The following SORCS3 variants were observed in gnomAD, a reference collection of about 807,000 sequenced individuals.
SORCS3 encodes sortilin related VPS10 domain containing receptor 3.
SORCS3 carries 57 observed loss-of-function variants against 146.3 expected under a neutral mutation model. The observed-to-expected ratio is 0.39, with a 90% CI of 0.31 to 0.49. The LOEUF is 0.49. SORCS3 is among the 20% of genes least tolerant of loss of function. The pLI is 0.92. For synonymous variants in SORCS3, 653 were observed against 618.5 expected, an observed-to-expected ratio of 1.06 and a Z score of -0.83; for missense variants, 1,341 against 1,575.5, an observed-to-expected ratio of 0.85 and a Z score of 2.52.
intron 19 of SORCS3, chr10:105,217,843 G>A (rs1266160158): frequency 2.2e-6 from 1 of 453,966 alleles, no homozygotes; most frequent in African/African-American, 2.0e-5. Context: ...TGTGATTTTA[G>A]GATGTCGGGT....
rs570791970 is a variant in SORCS3, at chr10:104,664,153, T to A, written c.627+22199T>A. 9.1e-4 allele frequency among the ~76,000 whole-genome samples: 139 copies of A among 152,204 alleles called. 2 individuals carry two copies. The highest frequency in any genetic ancestry group is 3.1e-3 in the African/African-American group (127 of 41,526). On this transcript the variant is annotated intron_variant, in intron 1 of 26. Coordinates refer to ENST00000369701, the MANE Select transcript of SORCS3 (RefSeq NM_014978.3). ...TTGGGGAAGAAGGTGCAGGCTGTCT[T>A]GGGGTGACGTTGCATTAAGTGCAGC...
At chr10:105,126,523 G>C (rs1589645940) in intron 7 of SORCS3, among the ~76,000 whole-genome samples, 1 of 152,170 alleles carries the variant, frequency 6.6e-6, no homozygotes, top group South Asian at 2.1e-4. Context: ...TTAAGGCAGT[G>C]GGAGTATAAG....
At chr10:105,205,120 G>A (rs2056595120) in intron 16 of SORCS3, among the ~76,000 whole-genome samples, 1 of 152,106 alleles carries the variant, frequency 6.6e-6, no homozygotes, top group African/African-American at 2.4e-5. Context: ...GATTGATCTA[G>A]GAAAAGTTCA....
intron 4 of SORCS3, among the ~76,000 whole-genome samples, chr10:105,018,025 G>A (rs1055774478): frequency 2.6e-5 from 4 of 152,126 alleles, no homozygotes; most frequent in African/African-American, 9.7e-5. Context: ...AGTTGAAAAT[G>A]ACAGGATACC....
intron 23 of SORCS3, among the ~76,000 whole-genome samples, chr10:105,254,287 C>T (rs2056917882): frequency 6.6e-6 from 1 of 152,156 alleles, no homozygotes; most frequent in African/African-American, 2.4e-5. Context: ...CATCAGATTA[C>T]AGAGCTAATG....
chr10:104,645,064 A>G (rs2015474708), intron 1 of SORCS3, among the ~76,000 whole-genome samples: 1 of 152,072 alleles, frequency 6.6e-6, no homozygotes, highest in South Asian at 2.1e-4. Context: ...GACAAAGGAG[A>G]AGGAGTGCAA....
intron 1 of SORCS3, among the ~76,000 whole-genome samples, chr10:104,643,138 G>A (rs920266658): frequency 4.6e-5 from 7 of 152,166 alleles, no homozygotes; most frequent in African/African-American, 1.4e-4. Context: ...TGGGTAGGGT[G>A]CACGCTCCAG....
chr10:104,797,716 C>G (rs1323285366), intron 1 of SORCS3, among the ~76,000 whole-genome samples: 1 of 152,096 alleles, frequency 6.6e-6, no homozygotes, highest in Admixed American at 6.5e-5. Flanking sequence ...AGACTGATCT[C>G]TATATATCCA....
In SORCS3 at chr10:104,879,339, C is replaced by T. The variant is rs1240229872; in HGVS notation, c.695+36480C>T. ...ATATCCCTTGGCTCATGGTCCCTGT[C>T]TCCATCTTCAAAGGCAACCATAACA... On this transcript the variant is annotated intron_variant, in intron 2 of 26. Transcript: ENST00000369701. 2.6e-5 allele frequency among the ~76,000 whole-genome samples: 4 copies of T among 152,162 alleles called. No homozygotes were observed. The South Asian group carries it at 8.3e-4, about 32-fold the overall frequency.
At chr10:105,233,315 A>G (rs1343644325) in intron 20 of SORCS3, among the ~76,000 whole-genome samples, 1 of 152,208 alleles carries the variant, frequency 6.6e-6, no homozygotes, top group Admixed American at 6.5e-5. Flanking sequence ...TACATAAGAT[A>G]TATACATAAG....
intron 6 of SORCS3, among the ~76,000 whole-genome samples, chr10:105,103,274 C>T (rs2055798842): frequency 6.6e-6 from 1 of 152,082 alleles, no homozygotes; most frequent in Non-Finnish European, 1.5e-5. Flanking sequence ...TCTACCCCCG[C>T]TAGTTTTACT....
chr10:104,913,357 G>A (rs1267491033), intron 2 of SORCS3, among the ~76,000 whole-genome samples: 2 of 152,180 alleles, frequency 1.3e-5, no homozygotes. Flanking sequence ...TTAGGAAATA[G>A]CATTATTAAG....
chr10:104,698,378 A>G (rs2016241727), intron 1 of SORCS3, among the ~76,000 whole-genome samples: 1 of 152,176 alleles, frequency 6.6e-6, no homozygotes, highest in African/African-American at 2.4e-5. Context: ...GGTGTACACA[A>G]AGACTGAGTA....
chr10:104,641,925 A>T lies in SORCS3; in HGVS notation c.598A>T (p.Met200Leu), dbSNP rs779310979. The change falls in exon 1 of 27, where the codon ATG becomes TTG. Residue 200 changes from methionine (M) to leucine (L), a missense_variant. Physicochemically the swap from Met to Leu is conservative, Grantham distance 15. Transcript: ENST00000369701. This position sits in a 1 kb window ranked among gnomAD's most constrained non-coding sequence, Gnocchi z 6.4. The part of the protein sequence containing the change: ...LTGDSAHNQA[M>L]VHWSGHNSSV... Reference sequence around the variant, plus strand: ...CGGGGACTCGGCCCACAACCAAGCCATGGTGCACTGGTCGGGACACAACAG... The same window carrying T: ...CGGGGACTCGGCCCACAACCAAGCCTTGGTGCACTGGTCGGGACACAACAG... 2.1e-6 allele frequency: 3 copies of T among 1,409,040 alleles called. No homozygotes were observed. In the African/African-American group the frequency reaches 4.7e-5, roughly 22 times the overall value. The allele number at this position is 1,409,040 out of a possible 1,614,324, so 87.3% of individuals were successfully genotyped here.
chr10:105,172,164 A>G (rs1016549618), intron 13 of SORCS3, among the ~76,000 whole-genome samples: 14 of 152,206 alleles, frequency 9.2e-5, no homozygotes, highest in African/African-American at 3.1e-4. Context: ...TGATTTTTAG[A>G]AAAGTACAGC....
At chr10:105,211,018 A>G (rs911785830) in intron 16 of SORCS3, 119 bp from the exon 17 acceptor site, 14 of 635,676 alleles carry the variant, frequency 2.2e-5, no homozygotes, top group Non-Finnish European at 3.8e-5. Flanking sequence ...GGGGATATTT[A>G]AAACAATGTG....
intron 21 of SORCS3, 101 bp from the exon 22 acceptor site, chr10:105,247,118 G>A (rs1041566079): frequency 1.9e-5 from 10 of 520,524 alleles, no homozygotes; most frequent in Non-Finnish European, 3.1e-5. Context: ...TGAAAGAGTA[G>A]ACCTTTTACC....
At chr10:105,055,068 C>T (rs2055437433) in intron 5 of SORCS3, among the ~76,000 whole-genome samples, 1 of 152,014 alleles carries the variant, frequency 6.6e-6, no homozygotes, top group South Asian at 2.1e-4. Context: ...GAGTATTGGC[C>T]ACATGGTTTG....
intron 5 of SORCS3, among the ~76,000 whole-genome samples, chr10:105,052,788 A>G (rs1231913101): frequency 6.6e-6 from 1 of 152,028 alleles, no homozygotes; most frequent in African/African-American, 2.4e-5. Context: ...GAAAGTACCA[A>G]ATTGAAGGCT....
Sources: allele counts gnomAD v4.1 joint callset (sites outside exome capture counted in the v4.1 genomes callset), GRCh38; gene constraint gnomAD v4.1.1; non-coding constraint Gnocchi (gnomAD v3.1); transcripts MANE v1.5; gene names NCBI Gene and HGNC (gene_info 2026-07-23, HGNC 2026-07-21).